The following FNDC3B variants were observed in gnomAD, a reference collection of about 807,000 sequenced individuals.
The protein encoded by FNDC3B is fibronectin type III domain-containing protein 3B.
In FNDC3B, 12 loss-of-function variants were observed where a neutral mutation model predicts 151.5. The ratio of observed to expected loss-of-function variants is 0.08; its 90% CI spans 0.05 to 0.13. The LOEUF is 0.13. FNDC3B is among the 10% of genes least tolerant of loss of function. The pLI is 1.00. For synonymous variants in FNDC3B, 528 were observed against 549.0 expected (o/e 0.96, Z 0.54); for missense variants, 1,214 against 1,505.3 (o/e 0.81, Z 3.20).
At chr3:172,162,396 A>G (rs1722823798) in intron 3 of FNDC3B, among the ~76,000 whole-genome samples, 1 of 152,206 alleles carries the variant, frequency 6.6e-6, no homozygotes, top group East Asian at 1.9e-4. Context: ...ATCAACTGAT[A>G]AACATTTGGG....
At chr3:172,389,947 C>T (rs1453993368) in intron 25 of FNDC3B, among the ~76,000 whole-genome samples, 1 of 152,160 alleles carries the variant, frequency 6.6e-6, no homozygotes, top group African/African-American at 2.4e-5. Flanking sequence ...TTTGCTGCAC[C>T]TATACCAAAC....
Position 172,295,432 on chromosome 3 carries a change from C to A in FNDC3B, c.919C>A (p.His307Asn), listed in dbSNP as rs765187309. Residue 307 changes from histidine (H) to asparagine (N), a missense_variant, in exon 8 of 26, where the codon CAC (histidine) becomes AAC (asparagine). Around this residue, in one of 7 missense-constraint regions of FNDC3B, gnomAD observed 156 missense variants for 225.3 expected, o/e 0.69. Coordinates refer to ENST00000415807, the MANE Select transcript of FNDC3B (RefSeq NM_022763.4). ...CCCTGTTGGACTTTCCTGTGGACCC[C>A]ACAGTGGTCTTTCCTTCCCCTACAG... ...APPVGLSCGP[H>N]SGLSFPYSYE... is the part of the protein sequence containing the mutation. 6 of 1,613,908 alleles carry A rather than the reference C, an allele frequency of 3.7e-6. No individual in the cohort carries two copies. In the African/African-American group the frequency reaches 6.7e-5, roughly 18 times the overall value.
chr3:172,196,082 G>T (rs1011618924), intron 3 of FNDC3B, among the ~76,000 whole-genome samples: 19 of 152,140 alleles, frequency 1.2e-4, no homozygotes, highest in African/African-American at 4.3e-4. Context: ...AATCTGAAAG[G>T]TTTAGGTACT....
At chr3:172,131,817 T>A (rs1028372783) in intron 2 of FNDC3B, among the ~76,000 whole-genome samples, 11 of 152,228 alleles carry the variant, frequency 7.2e-5, no homozygotes, top group African/African-American at 2.7e-4. Context: ...TAAAGTTGAC[T>A]TTTAAATTGC....
At chr3:172,060,140 A>G (rs1005536145) in intron 1 of FNDC3B, among the ~76,000 whole-genome samples, 1 of 152,244 alleles carries the variant, frequency 6.6e-6, no homozygotes, top group Non-Finnish European at 1.5e-5. Flanking sequence ...GAGAACCCTC[A>G]TAGTCAGTGG....
chr3:172,253,786 CT>C (rs941676176), intron 6 of FNDC3B, among the ~76,000 whole-genome samples: 57 of 146,568 alleles, frequency 3.9e-4, no homozygotes, highest in East Asian at 1.4e-3. Context: ...AATCTTTTTA[CT>C]TTTTTTTTTT....
intron 1 of FNDC3B, among the ~76,000 whole-genome samples, chr3:172,064,983 C>G (rs976528404): frequency 1.3e-5 from 2 of 152,154 alleles, no homozygotes; most frequent in African/African-American, 2.4e-5. Context: ...ATATGTGACC[C>G]CATGTTTATT....
At chr3:172,100,792 C>G (rs1719342653) in intron 1 of FNDC3B, among the ~76,000 whole-genome samples, 1 of 152,168 alleles carries the variant, frequency 6.6e-6, no homozygotes, top group South Asian at 2.1e-4. Context: ...TAATATTTCT[C>G]AAGAAATAAC....
At chr3:172,241,813 C>T (rs1327433294) in intron 4 of FNDC3B, among the ~76,000 whole-genome samples, 1 of 152,184 alleles carries the variant, frequency 6.6e-6, no homozygotes, top group Non-Finnish European at 1.5e-5. Flanking sequence ...ACAAATCATG[C>T]CTTTCCTACA....
At chr3:172,251,155 C>A (rs571561578) in intron 5 of FNDC3B, 105 bp from the exon 6 acceptor site, 1 of 897,346 alleles carries the variant, frequency 1.1e-6, no homozygotes, top group East Asian at 2.6e-5. Context: ...CTTTAGACTT[C>A]CTTTATACTT....
Position 172,346,519 on chromosome 3 carries a change from G to T in FNDC3B, c.2364+79G>T, listed in dbSNP as rs1018791593. 1.7e-5 allele frequency: 14 copies of T among 807,670 alleles called. No individual in the cohort carries two copies. In the East Asian group the frequency reaches 2.1e-4, roughly 12 times the overall value. 50.0% of individuals were successfully genotyped at this position (807,670 alleles called of 1,614,324 possible). The stretch of plus-strand genomic sequence containing the variant: ...TACAAATACCAATTATAAGGAAGCT[G>T]CAAATCCAAAATGCACATATAGATG... On this transcript the variant is annotated intron_variant, in intron 20 of 25. Coordinates refer to ENST00000415807, the MANE Select transcript of FNDC3B (RefSeq NM_022763.4).
Position 172,199,329 on chromosome 3 carries a change from G to T in FNDC3B, c.188-27542G>T, listed in dbSNP as rs538041981. Among the ~76,000 whole-genome samples, 3 of 151,682 alleles carry T rather than the reference G, an allele frequency of 2.0e-5. No individual in the cohort carries two copies. In the South Asian group the frequency reaches 6.2e-4, roughly 32 times the overall value. On this transcript the variant is annotated intron_variant, in intron 3 of 25. Coordinates refer to ENST00000415807, the MANE Select transcript of FNDC3B (RefSeq NM_022763.4). ...CGAGTAGCTGGGACTACAGGCGCCC[G>T]CCACCTCGCCTGGCTAATTTTTTGT...
chr3:172,299,671 G>T (rs1241785089), intron 9 of FNDC3B, among the ~76,000 whole-genome samples: 1 of 150,310 alleles, frequency 6.7e-6, no homozygotes, highest in African/African-American at 2.5e-5. Context: ...GAATAAAATT[G>T]TAAGCATGAA....
intron 1 of FNDC3B, among the ~76,000 whole-genome samples, chr3:172,047,339 A>G (rs1716414154): frequency 6.6e-6 from 1 of 152,192 alleles, no homozygotes; most frequent in African/African-American, 2.4e-5. Flanking sequence ...AAATAACGCC[A>G]TTGTTCTAGA....
chr3:172,274,144 T>A (rs1729331700), intron 6 of FNDC3B, among the ~76,000 whole-genome samples: 1 of 152,204 alleles, frequency 6.6e-6, no homozygotes. Flanking sequence ...TATTATAGGA[T>A]ATGGTCTTTC....
intron 1 of FNDC3B, among the ~76,000 whole-genome samples, chr3:172,053,965 CAGTT>C (rs1020143226): frequency 7.9e-5 from 12 of 152,142 alleles, no homozygotes; most frequent in African/African-American, 2.7e-4. Context: ...AAATTTGAGA[CAGTT>C]GGTTAAGAAA....
At chr3:172,252,787 A>G (rs532026216) in intron 6 of FNDC3B, among the ~76,000 whole-genome samples, 49 of 152,220 alleles carry the variant, frequency 3.2e-4, no homozygotes, top group African/African-American at 9.6e-4. Context: ...TCTTTTCTCT[A>G]TTTTCCAAAC....
rs768688603 is a variant in FNDC3B at position 172,397,373 on chromosome 3, C to T, written c.3513C>T (p.Ser1171=). The change falls in exon 26 of 26, where the codon AGC becomes AGT. Residue 1171 remains serine (S), a synonymous_variant. Transcript: ENST00000415807. ...MGSLDDPKMK[S]MMPTDEQFAA... is the part of the protein sequence containing the mutation. ...GCTTAGATGATCCCAAAATGAAGAGCATGATGCCTACTGATGAACAGTTTG... is the reference window on the plus strand; with the variant it reads ...GCTTAGATGATCCCAAAATGAAGAGTATGATGCCTACTGATGAACAGTTTG... 25 of 1,613,922 alleles carry T rather than the reference C, an allele frequency of 1.5e-5. No individual in the cohort carries two copies. In the Admixed American group the frequency reaches 3.7e-4, roughly 24 times the overall value.
intron 7 of FNDC3B, among the ~76,000 whole-genome samples, chr3:172,286,443 G>T (rs1211054425): frequency 6.6e-6 from 1 of 152,156 alleles, no homozygotes; most frequent in African/African-American, 2.4e-5. Flanking sequence ...CAAAAAAATG[G>T]TCGAAGTGGT....
Sources: gnomAD v4.1 joint callset for allele counts (sites outside exome capture counted in the v4.1 genomes callset) on GRCh38, gnomAD v4.1.1 for gene constraint, gnomAD v4.1.1 regional missense constraint, MANE v1.5 for transcripts, NCBI Gene and HGNC (gene_info 2026-07-23, HGNC 2026-07-21) for gene names.